GABBR2: variants seen among roughly 807,000 people sequenced by gnomAD.
GABBR2 encodes the protein G-protein coupled receptor 51.
A neutral mutation model predicts 105.6 loss-of-function variants in GABBR2; 23 were observed. The observed-to-expected ratio is 0.22, with a 90% confidence interval of 0.16 to 0.31. The LOEUF is 0.31. Among genes scored for constraint, GABBR2 ranks in the 10% least tolerant of loss-of-function variants. The probability of loss-of-function intolerance (pLI) is 1.00; values close to 1 mark genes in which losing one functional copy is unlikely to be tolerated. For missense variants in GABBR2, 734 were observed against 1,245.5 expected (o/e 0.59, Z 6.18); for synonymous variants, 478 against 499.7 (o/e 0.96, Z 0.58).
chr9:98,640,241 A>AG (rs1829941781), intron 1 of GABBR2, among the ~76,000 whole-genome samples: 1 of 151,924 alleles, frequency 6.6e-6, no homozygotes, highest in African/African-American at 2.4e-5. Flanking sequence ...CTGTACCTAT[A>AG]GCACACAGTA....
At chr9:98,490,555 G>T (rs1364729424) in intron 4 of GABBR2, among the ~76,000 whole-genome samples, 1 of 152,148 alleles carries the variant, frequency 6.6e-6, no homozygotes, top group African/African-American at 2.4e-5. Flanking sequence ...AAAAATATTT[G>T]GTCTCCAGAG....
intron 13 of GABBR2, among the ~76,000 whole-genome samples, chr9:98,348,009 C>G (rs57642216): frequency 0.026 from 4,000 of 152,296 alleles, 165 homozygotes; most frequent in African/African-American, 0.093. Context: ...TTTCCTTCCA[C>G]CATGATTGTG....
chr9:98,414,289 C>T (rs768896653), intron 7 of GABBR2, among the ~76,000 whole-genome samples: 36 of 152,218 alleles, frequency 2.4e-4, no homozygotes, highest in Non-Finnish European at 4.4e-4. Flanking sequence ...CTGGCTGAGC[C>T]GAGAGCAAGG....
intron 13 of GABBR2, among the ~76,000 whole-genome samples, chr9:98,313,769 A>G (rs1339600232): frequency 6.8e-6 from 1 of 146,548 alleles, no homozygotes; most frequent in Non-Finnish European, 1.5e-5. Flanking sequence ...GGAAGAAGGT[A>G]CTTTGATGGG....
Position 98,397,251 on chromosome 9 carries a change from A to G in GABBR2, c.1298-2996T>C, listed in dbSNP as rs372151843. Among the ~76,000 whole-genome samples the G allele has an allele frequency of 3.3e-5, 5 of 152,328 alleles. No homozygotes were observed. In the South Asian group the frequency reaches 6.2e-4, roughly 19 times the overall value. ...CTGCAGGTGGTGGGAAGTTAAAGTC[A>G]TTCCCGTGTCCTCAAGCCAGGTGGC... On this transcript the variant is annotated intron_variant, in intron 8 of 18. Transcript: ENST00000259455.
intron 1 of GABBR2, among the ~76,000 whole-genome samples, chr9:98,613,391 G>T (rs1316675259): frequency 1.3e-5 from 2 of 151,214 alleles, no homozygotes; most frequent in South Asian, 4.2e-4. Flanking sequence ...AGTGAGCCGT[G>T]ATTGTACCAC....
intron 5 of GABBR2, among the ~76,000 whole-genome samples, chr9:98,475,357 AAG>A (rs553291320): frequency 1.3e-5 from 2 of 151,410 alleles, no homozygotes; most frequent in African/African-American, 4.9e-5. Context: ...AAAAAAAAAA[AAG>A]AAAAGAAAAG....
intron 3 of GABBR2, among the ~76,000 whole-genome samples, chr9:98,499,469 A>G (rs940105861): frequency 1.3e-5 from 2 of 152,176 alleles, no homozygotes; most frequent in African/African-American, 4.8e-5. Flanking sequence ...GAGGTCAGCC[A>G]CTCACCGCCC....
intron 1 of GABBR2, among the ~76,000 whole-genome samples, chr9:98,663,054 C>T (rs187181574): frequency 2.6e-5 from 4 of 152,250 alleles, no homozygotes; most frequent in African/African-American, 7.2e-5. Context: ...TCCCATGATA[C>T]AGAATATAAT....
intron 13 of GABBR2, among the ~76,000 whole-genome samples, chr9:98,316,913 C>A (rs78712121): frequency 6.6e-6 from 1 of 152,122 alleles, no homozygotes; most frequent in African/African-American, 2.4e-5. Flanking sequence ...TAAACCCAGG[C>A]GTGTGTGACT....
intron 11 of GABBR2, among the ~76,000 whole-genome samples, chr9:98,372,100 C>T (rs1831794391): frequency 6.6e-6 from 1 of 152,234 alleles, no homozygotes; most frequent in African/African-American, 2.4e-5. Flanking sequence ...CTGGCTCTCA[C>T]CTATTCCCCA....
At chr9:98,630,448 C>T (rs1588260116) in intron 1 of GABBR2, among the ~76,000 whole-genome samples, 1 of 152,122 alleles carries the variant, frequency 6.6e-6, no homozygotes, top group African/African-American at 2.4e-5. Context: ...GCTGTGGATA[C>T]CTGGCATCAG....
At position 98,388,801 on chromosome 9, in the gene GABBR2, T is replaced by C; in HGVS notation, c.1529+53A>G. On this transcript the variant is annotated intron_variant, in intron 10 of 18. Transcript: ENST00000259455. The surrounding 1 kb of genome is among the most constrained non-coding windows in gnomAD (Gnocchi z 4.4). ...ATGTGGCACTCCTATACTGTGTCCA[T>C]AGGCTTGTCAATTTAGAAAGTGATA... 2 of 1,485,192 alleles carry C rather than the reference T, an allele frequency of 1.3e-6. No homozygotes were observed. Among genetic ancestry groups the C allele is most frequent in the Non-Finnish European group, 1.9e-6 (2 of 1,073,612 alleles). 92.0% of individuals were successfully genotyped at this position (1,485,192 alleles called of 1,614,324 possible).
chr9:98,656,490 T>C (rs1350423792), intron 1 of GABBR2, among the ~76,000 whole-genome samples: 1 of 152,216 alleles, frequency 6.6e-6, no homozygotes, highest in Non-Finnish European at 1.5e-5. Context: ...GGGCAAGTAC[T>C]TCAACATTTA....
chr9:98,527,562 C>G (rs1190253257), intron 3 of GABBR2, among the ~76,000 whole-genome samples: 2 of 151,866 alleles, frequency 1.3e-5, no homozygotes, highest in Non-Finnish European at 1.5e-5. Context: ...CATATCCCAC[C>G]AATAACCACT....
At chr9:98,708,150 C>A (rs1233743290) in intron 1 of GABBR2, among the ~76,000 whole-genome samples, 1 of 152,152 alleles carries the variant, frequency 6.6e-6, no homozygotes, top group African/African-American at 2.4e-5. Flanking sequence ...CAAAAGAGAC[C>A]CCAGTCTTCT....
intron 2 of GABBR2, among the ~76,000 whole-genome samples, chr9:98,551,498 C>T (rs1274069772): frequency 2.0e-5 from 3 of 152,124 alleles, no homozygotes; most frequent in Non-Finnish European, 4.4e-5. Flanking sequence ...AAAACTGTGG[C>T]CCAGAAAGGT....
intron 6 of GABBR2, among the ~76,000 whole-genome samples, chr9:98,466,802 A>G (rs1273813265): frequency 6.6e-6 from 1 of 152,312 alleles, no homozygotes; most frequent in Admixed American, 6.5e-5. Context: ...CTTAAATGAG[A>G]TAGGTTATTT....
rs1188735493 is a variant in GABBR2, at chr9:98,388,812, A to G, written c.1529+42T>C. 1.2e-5 allele frequency: 18 copies of G among 1,554,524 alleles called. No individual in the cohort carries two copies. Among genetic ancestry groups the G allele is most frequent in the Non-Finnish European group, 1.4e-5 (16 of 1,133,454 alleles). Reference sequence around the variant, plus strand: ...CTATACTGTGTCCATAGGCTTGTCAATTTAGAAAGTGATATCACAGAGGAG... The same window carrying G: ...CTATACTGTGTCCATAGGCTTGTCAGTTTAGAAAGTGATATCACAGAGGAG... On this transcript the variant is annotated intron_variant, in intron 10 of 18. Coordinates refer to ENST00000259455, the MANE Select transcript of GABBR2 (RefSeq NM_005458.8). The surrounding 1 kb of genome is among the most constrained non-coding windows in gnomAD (Gnocchi z 4.4).
Sources: allele counts gnomAD v4.1 joint callset (sites outside exome capture counted in the v4.1 genomes callset), GRCh38; gene constraint gnomAD v4.1.1; non-coding constraint Gnocchi (gnomAD v3.1); transcripts MANE v1.5; gene names NCBI Gene and HGNC (gene_info 2026-07-23, HGNC 2026-07-21).